The following MANEAL variants were observed in gnomAD, a reference collection of about 807,000 sequenced individuals.
MANEAL encodes the protein glycoprotein endo-alpha-1,2-mannosidase-like protein.
MANEAL carries 28 observed loss-of-function variants against 35.9 expected under a neutral mutation model. That is an observed-to-expected ratio of 0.78 (90% CI 0.58 to 1.07). The LOEUF is 1.07. MANEAL is among the 50% of genes least tolerant of loss of function. MANEAL has a pLI of 0.00. For synonymous variants in MANEAL, 286 were observed against 272.2 expected (o/e 1.05, Z -0.50); for missense variants, 576 against 629.6 (o/e 0.91, Z 0.91).
At chr1:37,797,983 C>T (rs1248520503) in intron 3 of MANEAL, among the ~76,000 whole-genome samples, 1 of 151,510 alleles carries the variant, frequency 6.6e-6, no homozygotes, top group Non-Finnish European at 1.5e-5. Flanking sequence ...GACCCCATCT[C>T]TACTGAAAAA....
rs552699418 is a variant in MANEAL, at chr1:37,797,513, C to T, written c.737+693C>T. On this transcript the variant is annotated intron_variant, in intron 3 of 3. Coordinates refer to ENST00000373045, the MANE Select transcript of MANEAL (RefSeq NM_001113482.2). ...TGAGACAGAGTCTCACTCTGTTGCC[C>T]AGGCTGGTGTGCAGTGGCACAATCT... Among the ~76,000 whole-genome samples, 9 of 148,380 alleles carry T rather than the reference C, an allele frequency of 6.1e-5. No individual in the cohort carries two copies. In the South Asian group the frequency reaches 2.0e-3, roughly 32 times the overall value.
chr1:37,797,290 A>G (rs528145198), intron 3 of MANEAL, among the ~76,000 whole-genome samples: 47 of 151,884 alleles, frequency 3.1e-4, no homozygotes, highest in African/African-American at 1.1e-3. Flanking sequence ...AATCCCAGCT[A>G]TTCAGGAGGC....
At chr1:37,798,756 A>G (rs1330167604) in intron 3 of MANEAL, among the ~76,000 whole-genome samples, 1 of 147,894 alleles carries the variant, frequency 6.8e-6, no homozygotes, top group Admixed American at 6.8e-5. Context: ...AAGAAAAAAA[A>G]GCCCAGGCCC....
chr1:37,795,914 G>C (rs1452392489), intron 2 of MANEAL, 68 bp downstream of exon 2: 2 of 1,408,804 alleles, frequency 1.4e-6, no homozygotes, highest in East Asian at 4.6e-5. Context: ...TCCGCCCACA[G>C]GGTTAGTGCC....
At position 37,794,810 on chromosome 1, in the gene MANEAL, C is replaced by A; in HGVS notation, c.550+78C>A. 1.0e-6 allele frequency: 1 copy of A among 957,864 alleles called. No homozygotes were observed. Among genetic ancestry groups the A allele is most frequent in the South Asian group, 1.6e-5 (1 of 63,634 alleles). The allele number at this position is 957,864 out of a possible 1,614,324, so 59.3% of individuals were successfully genotyped here. A position where few individuals can be genotyped will look rare whatever the true frequency, so the allele number is the denominator to read the frequency against. On this transcript the variant is annotated intron_variant, in intron 1 of 3. Transcript: ENST00000373045. This position sits in a 1 kb window ranked among gnomAD's most constrained non-coding sequence, Gnocchi z 5.7. The stretch of plus-strand genomic sequence containing the variant: ...TTCCCACACCCCAGCTCCCTCTGGT[C>A]CTGTCACCGGCCCTTTGGTCCCACT...
In MANEAL at chr1:37,799,777, C is replaced by T. The variant is rs751232805; in HGVS notation, c.948C>T (p.Ala316=). ...VEEGHTHDIL[A]AGFDGMYTYF... is the part of the protein sequence containing the mutation. The stretch of plus-strand genomic sequence containing the variant: ...AGGGCCACACCCACGATATCCTGGC[C>T]GCCGGATTTGACGGCATGTACACCT... Residue 316 remains alanine, a synonymous_variant, in exon 4 of 4, where the codon GCC becomes GCT. Transcript: ENST00000373045. This position sits in a 1 kb window ranked among gnomAD's most constrained non-coding sequence, Gnocchi z 4.1. 20 of 1,614,080 alleles carry T rather than the reference C, an allele frequency of 1.2e-5. No individual in the cohort carries two copies. Among genetic ancestry groups the T allele is most frequent in the Middle Eastern group, 1.6e-4 (1 of 6,084 alleles).
At position 37,794,237 on chromosome 1, in the gene MANEAL, G is replaced by A. The variant is rs1479771925; in HGVS notation, c.55G>A (p.Ala19Thr). ...CIALFLVLLF[A>T]FGTLMGLRTL... ...CGCTCTGTTCCTGGTGCTGCTCTTC[G>A]CCTTCGGCACCCTCATGGGTCTGCG... Residue 19 changes from alanine (A) to threonine (T), a missense_variant, in exon 1 of 4, where the codon GCC becomes ACC. Physicochemically the swap from Ala to Thr is moderately conservative, Grantham distance 58. Transcript: ENST00000373045. The surrounding 1 kb of genome is among the most constrained non-coding windows in gnomAD (Gnocchi z 5.7). The A allele has an allele frequency of 3.8e-6, 5 of 1,332,582 alleles. No homozygotes were observed. The East Asian group carries it at 1.6e-4, about 42-fold the overall frequency. 82.5% of individuals were successfully genotyped at this position (1,332,582 alleles called of 1,614,324 possible).
chr1:37,800,195 C>T lies in MANEAL; in HGVS notation c.1366C>T (p.Leu456Phe), dbSNP rs1557575599. 2 of 1,612,622 alleles carry T rather than the reference C, an allele frequency of 1.2e-6. No homozygotes were observed. Among genetic ancestry groups the T allele is most frequent in the East Asian group, 2.2e-5 (1 of 44,888 alleles). The stretch of plus-strand genomic sequence containing the variant: ...CTTCATCAAAGAGAAGGAGCAGTGG[C>T]TCATGTGAGGGGCCTGTAAATGGGC... ...EHFIKEKEQW[L>F]M The change falls in exon 4 of 4, where the codon CTC becomes TTC. Residue 456 changes from leucine to phenylalanine, a missense_variant. Physicochemically the swap from Leu to Phe is conservative, Grantham distance 22. Around this residue, in one of 3 missense-constraint regions of MANEAL, gnomAD observed 449 missense variants for 516.1 expected, o/e 0.87. Transcript: ENST00000373045.
At position 37,799,618 on chromosome 1, in the gene MANEAL, C is replaced by A. The variant is rs1029540060; in HGVS notation, c.789C>A (p.Ser263Arg). The change falls in exon 4 of 4, where the codon AGC becomes AGA. Residue 263 changes from serine to arginine, a missense_variant. Physicochemically the swap from Ser to Arg is moderately radical, Grantham distance 110. Transcript: ENST00000373045. The surrounding 1 kb of genome is among the most constrained non-coding windows in gnomAD (Gnocchi z 4.1). ...GCTATAAGAACAGCATGGGCAAGAG[C>A]CTCCCACTCTTTTATATCTACGACT... The part of the protein sequence containing the change: ...FYRYKNSMGK[S>R]LPLFYIYDSY... 9 of 1,614,136 alleles carry A rather than the reference C, an allele frequency of 5.6e-6. No homozygotes were observed. The East Asian group carries it at 2.0e-4, about 36-fold the overall frequency.
chr1:37,800,065 G>C lies in MANEAL; in HGVS notation c.1236G>C (p.Gln412His). 1 of 1,614,182 alleles carries C rather than the reference G, an allele frequency of 6.2e-7. No individual in the cohort carries two copies. The highest frequency in any genetic ancestry group is 8.5e-7 in the Non-Finnish European group (1 of 1,180,044). Residue 412 changes from glutamine (Q) to histidine (H), a missense_variant, in exon 4 of 4, where the codon CAG becomes CAC. By Grantham distance (24) the Gln-to-His change is conservative. Around this residue, in one of 3 missense-constraint regions of MANEAL, gnomAD observed 449 missense variants for 516.1 expected, o/e 0.87. Transcript: ENST00000373045. ...TSFNEWHEGT[Q>H]IEKAIPKKTP... ...TCAATGAGTGGCACGAGGGCACCCA[G>C]ATTGAGAAGGCCATTCCCAAGAAGA...
chr1:37,794,497 G>T lies in MANEAL; in HGVS notation c.315G>T (p.Leu105=), dbSNP rs770316052. Residue 105 remains leucine (L), a synonymous_variant, in exon 1 of 4, where the codon CTG becomes CTT. Transcript: ENST00000373045. The surrounding 1 kb of genome is among the most constrained non-coding windows in gnomAD (Gnocchi z 5.7). ...AGAGCCTGCGCGTCTACTCGGACCTGCACGCCTTCTACTACTCGTGGTACG... is the reference window on the plus strand; with the variant it reads ...AGAGCCTGCGCGTCTACTCGGACCTTCACGCCTTCTACTACTCGTGGTACG... The part of the protein sequence containing the change: ...PVQSLRVYSD[L]HAFYYSWYGS... The T allele has an allele frequency of 6.2e-7, 1 of 1,606,998 alleles. No individual in the cohort carries two copies. Among genetic ancestry groups the T allele is most frequent in the Admixed American group, 1.7e-5 (1 of 59,360 alleles).
intron 3 of MANEAL, among the ~76,000 whole-genome samples, chr1:37,797,033 C>A (rs1646651171): frequency 6.6e-6 from 1 of 152,204 alleles, no homozygotes; most frequent in South Asian, 2.1e-4. Context: ...AGCCTCTTAA[C>A]CTTTGAGTCT....
At chr1:37,798,158 C>CAAA (rs1307437433) in intron 3 of MANEAL, among the ~76,000 whole-genome samples, 2 of 151,116 alleles carry the variant, frequency 1.3e-5, no homozygotes, top group African/African-American at 4.9e-5. Flanking sequence ...CTTAAAAAAA[C>CAAA]AAACAAAAAA....
At chr1:37,797,133 C>T (rs556821366) in intron 3 of MANEAL, among the ~76,000 whole-genome samples, 4 of 152,252 alleles carry the variant, frequency 2.6e-5, no homozygotes, top group South Asian at 4.1e-4. Context: ...GAATGAAGGC[C>T]AGGCATGGTG....
Position 37,800,037 on chromosome 1 carries a change from C to T in MANEAL, c.1208C>T (p.Ser403Phe), listed in dbSNP as rs201909116. 2.6e-4 allele frequency: 427 copies of T among 1,614,212 alleles called. 2 individuals are homozygous for T. Among genetic ancestry groups the T allele is most frequent in the Non-Finnish European group, 1.6e-5 (19 of 1,180,046 alleles). The change falls in exon 4 of 4, where the codon TCC (serine) becomes TTC (phenylalanine). Residue 403 changes from serine to phenylalanine, a missense_variant. Physicochemically the swap from Ser to Phe is radical, Grantham distance 155. Transcript: ENST00000373045. Reference protein sequence around the residue: ...TVRPEIVSITSFNEWHEGTQI... With the variant: ...TVRPEIVSITFFNEWHEGTQI... ...AGGCCCGAGATCGTTTCCATTACCT[C>T]CTTCAATGAGTGGCACGAGGGCACC...
intron 3 of MANEAL, among the ~76,000 whole-genome samples, chr1:37,798,999 A>T (rs1646671092): frequency 6.6e-6 from 1 of 152,104 alleles, no homozygotes; most frequent in Admixed American, 6.6e-5. Flanking sequence ...GAGATCGCCC[A>T]CCGCACTCCA....
intron 2 of MANEAL, among the ~76,000 whole-genome samples, chr1:37,796,255 C>T (rs1170652398): frequency 3.3e-5 from 5 of 152,018 alleles, no homozygotes; most frequent in Non-Finnish European, 5.9e-5. Context: ...AGAGGAAGGA[C>T]GGACTGGACG....
chr1:37,797,155 C>T (rs1366085635), intron 3 of MANEAL, among the ~76,000 whole-genome samples: 1 of 152,162 alleles, frequency 6.6e-6, no homozygotes, highest in Non-Finnish European at 1.5e-5. Flanking sequence ...AATCCCAGCA[C>T]TTTGGGAGGT....
rs1646690183 is a variant in MANEAL at position 37,800,584 on chromosome 1, G to A, written c.*381G>A. ...CAGGGTCTGGGCTCGCATGCACCCT[G>A]CTCCCTTCTGCCAGCCTGCATCCTC... On this transcript the variant is annotated 3_prime_UTR_variant, in exon 4 of 4. Coordinates refer to ENST00000373045, the MANE Select transcript of MANEAL (RefSeq NM_001113482.2). 2 of 230,734 alleles carry A rather than the reference G, an allele frequency of 8.7e-6. No individual in the cohort carries two copies. Among genetic ancestry groups the A allele is most frequent in the Non-Finnish European group, 1.7e-5 (2 of 116,876 alleles). 14.3% of individuals were successfully genotyped at this position (230,734 alleles called of 1,614,324 possible).
Sources: allele counts gnomAD v4.1 joint callset (sites outside exome capture counted in the v4.1 genomes callset), GRCh38; gene constraint gnomAD v4.1.1; regional missense constraint gnomAD v4.1.1; non-coding constraint Gnocchi (gnomAD v3.1); transcripts MANE v1.5; gene names NCBI Gene and HGNC (gene_info 2026-07-23, HGNC 2026-07-21).